SDK1: variants seen among roughly 807,000 people sequenced by gnomAD.
The protein encoded by SDK1 is sidekick cell adhesion molecule 1, also known as protein sidekick-1.
Under a neutral mutation model 245.5 loss-of-function variants are expected in SDK1, and 157 were observed. That is an observed-to-expected ratio of 0.64 (90% confidence interval 0.56 to 0.73). The LOEUF is 0.73. Ranked by LOEUF, SDK1 falls within the 30% of genes least tolerant of loss-of-function variation. SDK1 has a pLI of 0.00. For synonymous variants in SDK1, 1,647 were observed against 1,278.5 expected, an observed-to-expected ratio of 1.29 and a Z score of -6.15; for missense variants, 3,583 against 3,002.3, an observed-to-expected ratio of 1.19 and a Z score of -4.52.
At chr7:3,329,231 C>T (rs980638819) in intron 1 of SDK1, among the ~76,000 whole-genome samples, 1 of 152,154 alleles carries the variant, frequency 6.6e-6, no homozygotes, top group African/African-American at 2.4e-5. Context: ...TCCCAAAACT[C>T]TTGGTTCTAA....
At chr7:4,259,581 C>G (rs934922521) in intron 44 of SDK1, among the ~76,000 whole-genome samples, 1 of 152,106 alleles carries the variant, frequency 6.6e-6, no homozygotes. Context: ...CCAGTAGGGC[C>G]GGGCCAGCGC....
At chr7:4,018,664 C>T (rs552799141) in intron 17 of SDK1, among the ~76,000 whole-genome samples, 8 of 152,134 alleles carry the variant, frequency 5.3e-5, no homozygotes, top group Admixed American at 2.0e-4. Context: ...ATTTTATTTC[C>T]GGTGCATTTG....
At position 4,205,955 on chromosome 7, in the gene SDK1, AC is replaced by A. The variant is rs1260313347; in HGVS notation, c.5180del (p.Pro1727ArgfsTer27). 3 of 1,561,028 alleles carry A rather than the reference AC, an allele frequency of 1.9e-6. No homozygotes were observed. Among genetic ancestry groups the A allele is most frequent in the Non-Finnish European group, 2.6e-6 (3 of 1,152,252 alleles). On this transcript the variant is annotated frameshift_variant, in exon 36 of 45. Transcript: ENST00000404826. LOFTEE classifies it high-confidence loss of function. ...AGCTGGAGGTCACGTGGGACCCACC[AC>A]CCCCGGAGAGCCAGAATGGGAACAT... Reference protein sequence around the residue: ...SQLEVTWDPPPPESQNGNIQG... With the variant: ...SQLEVTWDPPXPESQNGNIQG...
intron 5 of SDK1, among the ~76,000 whole-genome samples, chr7:3,828,649 CT>C (rs1170806116): frequency 1.7e-4 from 5 of 28,732 alleles, no homozygotes; most frequent in Non-Finnish European, 3.3e-4. Context: ...ATTTTTTGTT[CT>C]TTTTTTTTTT....
At chr7:3,656,495 C>G (rs934711337) in intron 4 of SDK1, among the ~76,000 whole-genome samples, 1 of 152,170 alleles carries the variant, frequency 6.6e-6, no homozygotes, top group Admixed American at 6.5e-5. Flanking sequence ...GTACTTTGGA[C>G]TCTAAGGGGG....
chr7:3,951,043 C>A lies in SDK1; in HGVS notation c.959+9C>A. 1 of 1,582,694 alleles carries A rather than the reference C, an allele frequency of 6.3e-7. No individual in the cohort carries two copies. The highest frequency in any genetic ancestry group is 8.7e-7 in the Non-Finnish European group (1 of 1,151,390). On this transcript the variant is annotated intron_variant, in intron 6 of 44. Transcript: ENST00000404826. ...TGTATAGCCAGTGCCAGGTACGAGG[C>A]GCGTCTCCTGTGAGACTCCTAGTAA...
chr7:3,467,133 A>G (rs1234650065), intron 1 of SDK1, among the ~76,000 whole-genome samples: 1 of 152,102 alleles, frequency 6.6e-6, no homozygotes, highest in Non-Finnish European at 1.5e-5. Flanking sequence ...ATACTTCTTT[A>G]TACTTGCTTT....
intron 4 of SDK1, among the ~76,000 whole-genome samples, chr7:3,675,311 A>G (rs1459368391): frequency 6.6e-6 from 1 of 152,184 alleles, no homozygotes; most frequent in Non-Finnish European, 1.5e-5. Flanking sequence ...ACCACTTTGG[A>G]CCAAGTGATG....
At chr7:3,578,779 G>A (rs908971591) in intron 1 of SDK1, among the ~76,000 whole-genome samples, 2 of 151,780 alleles carry the variant, frequency 1.3e-5, no homozygotes, top group Admixed American at 6.6e-5. Flanking sequence ...AGACCTTATG[G>A]TTGTCTTCCC....
At chr7:4,241,398 G>C (rs1165007033) in intron 42 of SDK1, among the ~76,000 whole-genome samples, 2 of 152,158 alleles carry the variant, frequency 1.3e-5, no homozygotes, top group African/African-American at 4.8e-5. Flanking sequence ...ACTTTGAGAG[G>C]CCGAGGTGGA....
intron 1 of SDK1, among the ~76,000 whole-genome samples, chr7:3,511,225 G>T (rs2128611553): frequency 6.6e-6 from 1 of 152,108 alleles, no homozygotes; most frequent in East Asian, 1.9e-4. Context: ...TTCCTTCTTG[G>T]GTACTTACAA....
At chr7:3,803,772 A>G (rs1356880182) in intron 4 of SDK1, among the ~76,000 whole-genome samples, 1 of 131,872 alleles carries the variant, frequency 7.6e-6, no homozygotes, top group African/African-American at 2.9e-5. Flanking sequence ...TTTTTGAGAC[A>G]GAGTCTGGCC....
At chr7:3,379,051 C>G (rs1176964848) in intron 1 of SDK1, among the ~76,000 whole-genome samples, 2 of 152,174 alleles carry the variant, frequency 1.3e-5, no homozygotes, top group Admixed American at 6.5e-5. Flanking sequence ...CTGTGCTGCA[C>G]TGATAATGGG....
At chr7:3,686,606 A>G (rs1482553116) in intron 4 of SDK1, among the ~76,000 whole-genome samples, 2 of 139,720 alleles carry the variant, frequency 1.4e-5, no homozygotes, top group East Asian at 2.1e-4. Context: ...TGCAGGTACT[A>G]TATGCTGTGT....
chr7:4,149,125 G>T, intron 29 of SDK1, 137 bp from the exon 30 acceptor site: 1 of 535,230 alleles, frequency 1.9e-6, no homozygotes, highest in Admixed American at 4.3e-5. Flanking sequence ...GAAGGGACTG[G>T]CTTCAGACTG....
intron 2 of SDK1, among the ~76,000 whole-genome samples, chr7:3,624,094 T>C (rs1782033558): frequency 1.3e-5 from 2 of 152,206 alleles, no homozygotes. Flanking sequence ...TAAAAGATGA[T>C]ACTTATGTAG....
intron 5 of SDK1, among the ~76,000 whole-genome samples, chr7:3,822,108 A>G (rs1779661216): frequency 6.6e-6 from 1 of 152,190 alleles, no homozygotes; most frequent in African/African-American, 2.4e-5. Context: ...GTATTTGTCG[A>G]TTTTATTTGA....
At chr7:3,308,355 G>A (rs1779469748) in intron 1 of SDK1, among the ~76,000 whole-genome samples, 1 of 152,122 alleles carries the variant, frequency 6.6e-6, no homozygotes. Flanking sequence ...ATTAGTAGAT[G>A]TCTGTTTTTG....
rs548795407 is a variant in SDK1 at position 4,006,965 on chromosome 7, T to C, written c.2132-4001T>C. Among the ~76,000 whole-genome samples the C allele has an allele frequency of 2.6e-5, 4 of 152,388 alleles. No homozygotes were observed. The East Asian group carries it at 7.7e-4, about 29-fold the overall frequency. On this transcript the variant is annotated intron_variant, in intron 14 of 44. Coordinates refer to ENST00000404826, the MANE Select transcript of SDK1 (RefSeq NM_152744.4). ...GGCTTGCTCTGCCTCTCCCGCAGTC[T>C]GATTAATCGCCTCAGTCACCTGGTT... is the stretch of plus-strand genomic sequence containing the variant.
Sources: allele counts gnomAD v4.1 joint callset (sites outside exome capture counted in the v4.1 genomes callset), GRCh38; gene constraint gnomAD v4.1.1; transcripts MANE v1.5; gene names NCBI Gene and HGNC (gene_info 2026-07-23, HGNC 2026-07-21).